SOAT2: variants seen among roughly 807,000 people sequenced by gnomAD.
SOAT2 encodes ACAT-2.
A neutral mutation model predicts 76.0 loss-of-function variants in SOAT2; 87 were observed. That is an observed-to-expected ratio of 1.14 (90% confidence interval 0.96 to 1.37). The LOEUF (loss-of-function observed/expected upper bound fraction) is 1.37, where lower values mean the gene tolerates loss of function less well. Ranked by LOEUF, SOAT2 falls within the 40% of genes most tolerant of loss-of-function variation. SOAT2 has a pLI of 0.00. For synonymous variants in SOAT2, 285 were observed against 275.4 expected (o/e 1.03, Z -0.34); for missense variants, 686 against 682.1 (o/e 1.01, Z -0.06).
rs756315262 is a variant in SOAT2, at chr12:53,123,875, T to G, written c.1518+2T>G. On this transcript the variant is annotated splice_donor_variant, in intron 14 of 14. Coordinates refer to ENST00000301466, the MANE Select transcript of SOAT2 (RefSeq NM_003578.4). LOFTEE classifies it high-confidence loss of function. ...CGGCGGCACTGCCCCTTACCCCAGG[T>G]AAGAGACCACAACCCTCATCCAGCT... 8.7e-6 allele frequency: 14 copies of G among 1,613,992 alleles called. No homozygotes were observed. The highest frequency in any genetic ancestry group is 1.2e-5 in the Non-Finnish European group (14 of 1,179,986).
At chr12:53,115,005 A>T (rs1431830368) in intron 5 of SOAT2, among the ~76,000 whole-genome samples, 2 of 152,178 alleles carry the variant, frequency 1.3e-5, no homozygotes, top group African/African-American at 4.8e-5. Flanking sequence ...ATACACTATT[A>T]ACCTAGGCTA....
chr12:53,116,910 C>G (rs1938113975), intron 7 of SOAT2, among the ~76,000 whole-genome samples: 1 of 151,590 alleles, frequency 6.6e-6, no homozygotes, highest in Non-Finnish European at 1.5e-5. Context: ...CTTTCACTCA[C>G]TTGAACACTT....
At chr12:53,104,229 G>GGTCAGAA (rs1223009745) in intron 2 of SOAT2, 23 bp downstream of exon 2, 6 of 1,594,038 alleles carry the variant, frequency 3.8e-6, no homozygotes, top group Non-Finnish European at 5.2e-6. Context: ...AGAGGTCAGA[G>GGTCAGAA]GTCAAGTGGA....
intron 5 of SOAT2, among the ~76,000 whole-genome samples, chr12:53,109,638 C>A (rs1160066320): frequency 6.6e-6 from 1 of 152,058 alleles, no homozygotes; most frequent in Non-Finnish European, 1.5e-5. Context: ...TACGCCACCA[C>A]ACCCAGCTAA....
At position 53,116,102 on chromosome 12, in the gene SOAT2, G is replaced by A. The variant is rs1432896205; in HGVS notation, c.714G>A (p.Arg238=). ...SRCVLVFEQV[R]FLMKSYSFLR... ...CCCCTTCCATTCTGCCACAGGTTAG[G>A]TTCCTGATGAAAAGCTACTCCTTCC... Residue 238 remains arginine, a synonymous_variant, in exon 7 of 15, where the codon AGG becomes AGA. Coordinates refer to ENST00000301466, the MANE Select transcript of SOAT2 (RefSeq NM_003578.4). 1 of 1,614,108 alleles carries A rather than the reference G, an allele frequency of 6.2e-7. No homozygotes were observed. Among genetic ancestry groups the A allele is most frequent in the African/African-American group, 1.3e-5 (1 of 75,046 alleles).
rs543288561 is a variant in SOAT2, at chr12:53,124,128, C to G, written c.*5C>G. On this transcript the variant is annotated 3_prime_UTR_variant, in exon 15 of 15. Coordinates refer to ENST00000301466, the MANE Select transcript of SOAT2 (RefSeq NM_003578.4). The stretch of plus-strand genomic sequence containing the variant: ...TCTTGGTCCTGCCATACCTAGAGGT[C>G]GGGACAGACGACGCTACCTGCCCAG... The G allele has an allele frequency of 6.2e-7, 1 of 1,613,978 alleles. No homozygotes were observed. Among genetic ancestry groups the G allele is most frequent in the African/African-American group, 1.3e-5 (1 of 74,896 alleles).
At chr12:53,112,364 T>G (rs1328037183) in intron 5 of SOAT2, among the ~76,000 whole-genome samples, 1 of 152,022 alleles carries the variant, frequency 6.6e-6, no homozygotes, top group Non-Finnish European at 1.5e-5. Context: ...CTGACCAATA[T>G]GGAGAAATCC....
intron 5 of SOAT2, among the ~76,000 whole-genome samples, chr12:53,113,592 C>T (rs756340628): frequency 1.2e-4 from 18 of 152,122 alleles, no homozygotes; most frequent in Non-Finnish European, 2.5e-4. Context: ...GGCCCAGTAA[C>T]GAGATGCAGA....
chr12:53,109,416 C>T (rs988846639), intron 5 of SOAT2, among the ~76,000 whole-genome samples: 1 of 151,992 alleles, frequency 6.6e-6, no homozygotes, highest in Non-Finnish European at 1.5e-5. Flanking sequence ...ATTTTTGGTA[C>T]CAAATAAGCC....
At position 53,115,585 on chromosome 12, in the gene SOAT2, G is replaced by A. The variant is rs1308224266; in HGVS notation, c.639G>A (p.Ala213=). ...CCGCCCACGCCGTGGTGCTCTGCGC[G>A]CTGCCGGTCCACGTGGCCGTGGAGC... is the stretch of plus-strand genomic sequence containing the variant. The part of the protein sequence containing the change: ...LLAAHAVVLC[A]LPVHVAVEHQ... The change falls in exon 6 of 15, where the codon GCG becomes GCA. Residue 213 remains alanine (A), a synonymous_variant. Coordinates refer to ENST00000301466, the MANE Select transcript of SOAT2 (RefSeq NM_003578.4). The A allele has an allele frequency of 1.9e-6, 3 of 1,579,186 alleles. No individual in the cohort carries two copies. Among genetic ancestry groups the A allele is most frequent in the East Asian group, 2.3e-5 (1 of 44,282 alleles).
chr12:53,117,267 T>TA lies in SOAT2; in HGVS notation c.779-1083_779-1082insA, dbSNP rs1375533897. On this transcript the variant is annotated intron_variant, in intron 7 of 14. Coordinates refer to ENST00000301466, the MANE Select transcript of SOAT2 (RefSeq NM_003578.4). Reference sequence around the variant, plus strand: ...TGAGCCACCGCGCCCGGCCAATTTTTTTTTTTTTTTTTTTTTTTTTAGAGA... The same window carrying TA: ...TGAGCCACCGCGCCCGGCCAATTTTTATTTTTTTTTTTTTTTTTTTTAGAGA... Among the ~76,000 whole-genome samples the TA allele has an allele frequency of 4.4e-4, 65 of 146,296 alleles. 1 individual carries two copies. Among genetic ancestry groups the TA allele is most frequent in the African/African-American group, 1.5e-3 (58 of 39,384 alleles).
intron 5 of SOAT2, among the ~76,000 whole-genome samples, chr12:53,112,938 C>T (rs1227833732): frequency 6.6e-6 from 1 of 151,840 alleles, no homozygotes; most frequent in Non-Finnish European, 1.5e-5. Flanking sequence ...CGCCACCACA[C>T]CTGGCTAATT....
intron 5 of SOAT2, among the ~76,000 whole-genome samples, chr12:53,109,725 C>T (rs542878706): frequency 1.2e-4 from 19 of 152,220 alleles, no homozygotes; most frequent in Admixed American, 6.5e-4. Context: ...TGACCTCAAG[C>T]GATCCACCCA....
At chr12:53,106,754 G>A (rs954323710) in intron 5 of SOAT2, among the ~76,000 whole-genome samples, 3 of 152,204 alleles carry the variant, frequency 2.0e-5, no homozygotes, top group Non-Finnish European at 4.4e-5. Flanking sequence ...CTACATCTAT[G>A]TGTAGGTGTG....
At chr12:53,122,938 C>T (rs1007907074) in intron 12 of SOAT2, 143 bp from the exon 13 acceptor site, 15 of 841,936 alleles carry the variant, frequency 1.8e-5, no homozygotes, top group African/African-American at 5.5e-5. Flanking sequence ...ACCTCCCGGA[C>T]GGGGCGGCTG....
intron 5 of SOAT2, among the ~76,000 whole-genome samples, chr12:53,111,254 C>G (rs971382586): frequency 6.6e-6 from 1 of 152,062 alleles, no homozygotes; most frequent in South Asian, 2.1e-4. Flanking sequence ...TACAGGCGCC[C>G]GCCACCACGC....
intron 7 of SOAT2, 143 bp from the exon 8 acceptor site, chr12:53,118,207 C>A (rs1328751762): frequency 9.5e-6 from 6 of 632,300 alleles, no homozygotes; most frequent in Non-Finnish European, 1.7e-5. Context: ...GCATCCAGGT[C>A]CTACGTCCAG....
chr12:53,106,320 C>T (rs1200323445), intron 5 of SOAT2, among the ~76,000 whole-genome samples: 1 of 152,258 alleles, frequency 6.6e-6, no homozygotes, highest in Non-Finnish European at 1.5e-5. Flanking sequence ...ACACTCCTTT[C>T]CAAGTCAGTT....
In SOAT2 at chr12:53,124,238, G is replaced by T. The variant is rs1938241391; in HGVS notation, c.*115G>T. On this transcript the variant is annotated 3_prime_UTR_variant, in exon 15 of 15. Transcript: ENST00000301466. Reference sequence around the variant, plus strand: ...ATTTGGCTCTGAGTCGAGGCAACCTGCACACAAGACCCCACCAAGGAATGT... The same window carrying T: ...ATTTGGCTCTGAGTCGAGGCAACCTTCACACAAGACCCCACCAAGGAATGT... The T allele has an allele frequency of 6.1e-6, 6 of 981,900 alleles. No homozygotes were observed. In the Admixed American group the frequency reaches 1.1e-4, roughly 17 times the overall value. The allele number at this position is 981,900 out of a possible 1,614,324, so 60.8% of individuals were successfully genotyped here.
Sources: allele counts gnomAD v4.1 joint callset (sites outside exome capture counted in the v4.1 genomes callset), GRCh38; gene constraint gnomAD v4.1.1; transcripts MANE v1.5; gene names NCBI Gene and HGNC (gene_info 2026-07-23, HGNC 2026-07-21).